The following THSD7A variants were observed in gnomAD, a reference collection of about 807,000 sequenced individuals.
The protein encoded by THSD7A is thrombospondin type-1 domain-containing protein 7A.
Under a neutral mutation model 231.3 loss-of-function variants are expected in THSD7A, and 96 were observed. The ratio of observed to expected loss-of-function variants is 0.41; its 90% CI spans 0.35 to 0.49. The LOEUF is 0.49. Ranked by LOEUF, THSD7A falls within the 20% of genes least tolerant of loss-of-function variation. The pLI, the probability that THSD7A is intolerant of heterozygous loss-of-function variation, is 0.05. For missense variants in THSD7A, 2,290 were observed against 2,070.2 expected (o/e 1.11, Z -2.06); for synonymous variants, 940 against 743.3 (o/e 1.26, Z -4.30).
chr7:11,539,863 T>C (rs1789068324), intron 6 of THSD7A, among the ~76,000 whole-genome samples: 1 of 152,190 alleles, frequency 6.6e-6, no homozygotes. Flanking sequence ...TCACAATACC[T>C]GAGACCCTAA....
At chr7:11,645,381 C>G (rs1310576293) in intron 1 of THSD7A, among the ~76,000 whole-genome samples, 1 of 151,786 alleles carries the variant, frequency 6.6e-6, no homozygotes, top group African/African-American at 2.4e-5. Context: ...GATATGCAGA[C>G]TTTCACTAAC....
chr7:11,372,827 T>TTAAC lies in THSD7A; in HGVS notation c.*2963_*2966dup, dbSNP rs1202722228. On this transcript the variant is annotated 3_prime_UTR_variant, in exon 28 of 28. Coordinates refer to ENST00000423059, the MANE Select transcript of THSD7A (RefSeq NM_015204.3). ...TTTTGATGAAATTCCAATAAAATATTTAACTCATTATTGTCTCATGTCAGA... is the reference window on the plus strand; with the variant it reads ...TTTTGATGAAATTCCAATAAAATATTTAACTAACTCATTATTGTCTCATGTCAGA... 6.6e-6 allele frequency: 1 copy of TTAAC among 152,068 alleles called. No homozygotes were observed. Among genetic ancestry groups the TTAAC allele is most frequent in the Non-Finnish European group, 1.5e-5 (1 of 67,974 alleles). 9.4% of individuals were successfully genotyped at this position (152,068 alleles called of 1,614,324 possible). A position where few individuals can be genotyped will look rare whatever the true frequency, so the allele number is the denominator to read the frequency against.
intron 1 of THSD7A, among the ~76,000 whole-genome samples, chr7:11,778,598 T>C (rs1278709925): frequency 1.3e-5 from 2 of 152,156 alleles, no homozygotes; most frequent in Admixed American, 6.5e-5. Flanking sequence ...AGCTTAGAAA[T>C]ATAATTATTT....
chr7:11,595,161 C>G (rs1202247417), intron 2 of THSD7A, among the ~76,000 whole-genome samples: 1 of 152,160 alleles, frequency 6.6e-6, no homozygotes, highest in African/African-American at 2.4e-5. Context: ...GTTGATTCTC[C>G]TCAGGAGCCA....
Position 11,714,391 on chromosome 7 carries a change from T to C in THSD7A, c.191-77430A>G, listed in dbSNP as rs11975069. Among the ~76,000 whole-genome samples, 1,428 of 151,344 alleles carry C rather than the reference T, an allele frequency of 9.4e-3. 29 individuals are homozygous for C. The highest frequency in any genetic ancestry group is 0.033 in the African/African-American group (1,357 of 41,442). On this transcript the variant is annotated intron_variant, in intron 1 of 27. Transcript: ENST00000423059. ...GGCAACAGTCATTATGAATCATATG[T>C]ATTTTGTCAATTAATCTTTACCTTA...
intron 1 of THSD7A, among the ~76,000 whole-genome samples, chr7:11,736,076 T>C (rs989728426): frequency 6.6e-6 from 1 of 151,964 alleles, no homozygotes; most frequent in African/African-American, 2.4e-5. Flanking sequence ...TAATGTATAC[T>C]AGATTTTCAT....
At chr7:11,602,016 GC>G (rs1780569753) in intron 2 of THSD7A, among the ~76,000 whole-genome samples, 1 of 152,104 alleles carries the variant, frequency 6.6e-6, no homozygotes, top group South Asian at 2.1e-4. Context: ...TAGAGCAACT[GC>G]TTTTTTAGCC....
rs571055204 is a variant in THSD7A at position 11,494,335 on chromosome 7, C to T, written c.1823-12353G>A. Among the ~76,000 whole-genome samples the T allele has an allele frequency of 1.6e-4, 24 of 152,078 alleles. No homozygotes were observed. In the South Asian group the frequency reaches 5.0e-3, roughly 32 times the overall value. On this transcript the variant is annotated intron_variant, in intron 6 of 27. Coordinates refer to ENST00000423059, the MANE Select transcript of THSD7A (RefSeq NM_015204.3). ...CAACCATTTCTTTATAAGTCCTCCA[C>T]TCTTAATTCCCACTGTTTTTATTAT...
chr7:11,584,689 C>G (rs1791319007), intron 4 of THSD7A, among the ~76,000 whole-genome samples: 1 of 152,190 alleles, frequency 6.6e-6, no homozygotes, highest in African/African-American at 2.4e-5. Context: ...AGTTAAAAGA[C>G]TTTTAAAGTA....
rs1272576185 is a variant in THSD7A at position 11,370,554 on chromosome 7, A to G, written c.*5240T>C. 3.1e-4 allele frequency: 47 copies of G among 152,204 alleles called. No individual in the cohort carries two copies. 9.4% of individuals were successfully genotyped at this position (152,204 alleles called of 1,614,324 possible). A position where few individuals can be genotyped will look rare whatever the true frequency, so the allele number is the denominator to read the frequency against. On this transcript the variant is annotated 3_prime_UTR_variant, in exon 28 of 28. Coordinates refer to ENST00000423059, the MANE Select transcript of THSD7A (RefSeq NM_015204.3). ...CACATGCCATCTGTATTGACTGAAT[A>G]AAGCTTAGTGACATTATTTGCAAAT...
intron 2 of THSD7A, among the ~76,000 whole-genome samples, chr7:11,618,759 G>A (rs1781204004): frequency 6.6e-6 from 1 of 151,242 alleles, no homozygotes; most frequent in South Asian, 2.1e-4. Flanking sequence ...ACACTGCACA[G>A]GAGCCTGGGA....
At chr7:11,582,808 C>T (rs984426175) in intron 4 of THSD7A, among the ~76,000 whole-genome samples, 2 of 152,132 alleles carry the variant, frequency 1.3e-5, no homozygotes, top group Non-Finnish European at 2.9e-5. Context: ...TTTCTTGTCT[C>T]TATTCCTTTC....
intron 2 of THSD7A, among the ~76,000 whole-genome samples, chr7:11,611,474 G>C (rs1430835926): frequency 6.6e-6 from 1 of 151,424 alleles, no homozygotes; most frequent in Admixed American, 6.6e-5. Context: ...TATTACTTGT[G>C]AAAATAATTA....
intron 1 of THSD7A, among the ~76,000 whole-genome samples, chr7:11,722,826 A>G (rs531218104): frequency 6.6e-6 from 1 of 152,032 alleles, no homozygotes; most frequent in South Asian, 2.1e-4. Context: ...GTCAGGAAAC[A>G]ACACGTGCTG....
intron 6 of THSD7A, among the ~76,000 whole-genome samples, chr7:11,497,913 G>A (rs922004179): frequency 2.0e-5 from 3 of 152,114 alleles, no homozygotes; most frequent in Admixed American, 1.3e-4. Context: ...GCGATCCCGG[G>A]AAACCATGCT....
chr7:11,796,033 CATATATATAT>C lies in THSD7A; in HGVS notation c.190+35714_190+35723del, dbSNP rs6149988. ...GGTACTTCTTTGAAATTAAATTAGC[CATATATATAT>C]ATATATATATATATATATATATATA... On this transcript the variant is annotated intron_variant, in intron 1 of 27. Coordinates refer to ENST00000423059, the MANE Select transcript of THSD7A (RefSeq NM_015204.3). 7.7e-3 allele frequency among the ~76,000 whole-genome samples: 822 copies of C among 107,402 alleles called. 9 individuals carry two copies. Among genetic ancestry groups the C allele is most frequent in the African/African-American group, 0.025 (750 of 29,864 alleles). 70.5% of individuals were successfully genotyped at this position (107,402 alleles called of 152,430 possible). A position where few individuals can be genotyped will look rare whatever the true frequency, so the allele number is the denominator to read the frequency against.
chr7:11,686,240 A>G (rs1291286657), intron 1 of THSD7A, among the ~76,000 whole-genome samples: 1 of 151,858 alleles, frequency 6.6e-6, no homozygotes, highest in Non-Finnish European at 1.5e-5. Flanking sequence ...TAGGTACTAT[A>G]TTCACTATTT....
intron 14 of THSD7A, 63 bp downstream of exon 14, chr7:11,428,884 G>A (rs1008299001): frequency 1.3e-5 from 19 of 1,517,312 alleles, no homozygotes; most frequent in Non-Finnish European, 1.5e-5. Flanking sequence ...CTCCATTTTG[G>A]AGAAAAAATC....
At chr7:11,752,132 T>C (rs1190569654) in intron 1 of THSD7A, among the ~76,000 whole-genome samples, 2 of 152,028 alleles carry the variant, frequency 1.3e-5, no homozygotes, top group Non-Finnish European at 2.9e-5. Flanking sequence ...TCTGGTCAGA[T>C]CATGAGGCAC....
Sources: gnomAD v4.1 joint callset for allele counts (sites outside exome capture counted in the v4.1 genomes callset) on GRCh38, gnomAD v4.1.1 for gene constraint, MANE v1.5 for transcripts, NCBI Gene and HGNC (gene_info 2026-07-23, HGNC 2026-07-21) for gene names.